Variants in NR1H2 observed in about 807,000 individuals in gnomAD.
NR1H2 encodes oxysterols receptor LXR-beta.
In NR1H2, 33 loss-of-function variants were observed where a neutral mutation model predicts 51.2. The observed-to-expected ratio is 0.64, with a 90% CI of 0.49 to 0.86. The LOEUF is 0.86. NR1H2 is among the 40% of genes least tolerant of loss of function. The probability of loss-of-function intolerance (pLI) is 0.00; values close to 1 mark genes in which losing one functional copy is unlikely to be tolerated. For synonymous variants in NR1H2, 310 were observed against 264.3 expected, an observed-to-expected ratio of 1.17 and a Z score of -1.68; for missense variants, 592 against 639.9, an observed-to-expected ratio of 0.93 and a Z score of 0.81.
intron 5 of NR1H2, 25 bp from the exon 6 acceptor site, chr19:50,378,497 T>C: frequency 6.3e-7 from 1 of 1,589,770 alleles, no homozygotes; most frequent in South Asian, 1.1e-5. Context: ...CCTGGGGTTC[T>C]GCTGAGGCCT....
At position 50,378,408 on chromosome 19, in the gene NR1H2, C is replaced by A; in HGVS notation, c.441C>A (p.Arg147=). Residue 147 remains arginine (R), a synonymous_variant, in exon 5 of 10, where the codon CGC becomes CGA. Transcript: ENST00000253727. ...GCAAGTGCCAGCAGTGCCGGCTGCG[C>A]AAGTGCAAGGAGGCAGGGATGAGGG... The part of the protein sequence containing the change: ...MRRKCQQCRL[R]KCKEAGMREQ... The A allele has an allele frequency of 6.2e-7, 1 of 1,604,740 alleles. No homozygotes were observed. Among genetic ancestry groups the A allele is most frequent in the South Asian group, 1.1e-5 (1 of 90,848 alleles).
Position 50,377,656 on chromosome 19 carries a change from ACT to A in NR1H2, c.43+13_43+14del, listed in dbSNP as rs1158162995. The A allele has an allele frequency of 1.9e-6, 3 of 1,612,310 alleles. No homozygotes were observed. Among genetic ancestry groups the A allele is most frequent in the Non-Finnish European group, 1.7e-6 (2 of 1,179,356 alleles). ...TGGATACCCCCCTGCCTGGTGAGTG[ACT>A]CTCTTCCCCACCCAGCCCTTATCAC... On this transcript the variant is annotated intron_variant, in intron 3 of 9. Coordinates refer to ENST00000253727, the MANE Select transcript of NR1H2 (RefSeq NM_007121.7).
chr19:50,381,943 A>C, intron 8 of NR1H2, 23 bp from the exon 9 acceptor site: 1 of 1,538,174 alleles, frequency 6.5e-7, no homozygotes, highest in East Asian at 2.4e-5. Flanking sequence ...TGAGGGAGTC[A>C]CGGGCTGCCT....
rs756954041 is a variant in NR1H2 at position 50,378,267 on chromosome 19, C to A, written c.300C>A (p.Asn100Lys). ...CGDKASGFHYNVLSCEGCKGF... is the reference protein window; with the variant it reads ...CGDKASGFHYKVLSCEGCKGF... ...ACAAGGCCTCCGGCTTCCACTACAACGTGCTCAGCTGCGAAGGCTGCAAGG... is the reference window on the plus strand; with the variant it reads ...ACAAGGCCTCCGGCTTCCACTACAAAGTGCTCAGCTGCGAAGGCTGCAAGG... Residue 100 changes from asparagine to lysine, a missense_variant, in exon 5 of 10, where the codon AAC becomes AAA. By Grantham distance (94) the Asn-to-Lys change is moderately conservative. Around this residue, in one of 3 missense-constraint regions of NR1H2, gnomAD observed 316 missense variants for 313.4 expected, o/e 1.01. Transcript: ENST00000253727. The A allele has an allele frequency of 1.9e-6, 3 of 1,613,578 alleles. No individual in the cohort carries two copies. The highest frequency in any genetic ancestry group is 1.7e-5 in the Admixed American group (1 of 60,032).
At chr19:50,377,674 C>T (rs1211932553) in intron 3 of NR1H2, 26 bp downstream of exon 3, 2 of 1,608,222 alleles carry the variant, frequency 1.2e-6, no homozygotes, top group East Asian at 2.2e-5. Flanking sequence ...CCCCACCCAG[C>T]CCTTATCACA....
intron 7 of NR1H2, 60 bp downstream of exon 7, chr19:50,379,241 C>T (rs753365710): frequency 6.6e-7 from 1 of 1,524,394 alleles, no homozygotes. Context: ...ATGCTGGGAG[C>T]AGAGTTAAGG....
In NR1H2 at chr19:50,382,633, C is replaced by T. The variant is rs369185145; in HGVS notation, c.*31C>T. 5.3e-4 allele frequency: 807 copies of T among 1,522,484 alleles called. 14 individuals carry two copies. In the South Asian group the frequency reaches 7.3e-3, roughly 14 times the overall value. 94.3% of individuals were successfully genotyped at this position (1,522,484 alleles called of 1,614,324 possible). A position where few individuals can be genotyped will look rare whatever the true frequency, so the allele number is the denominator to read the frequency against. ...TGGCCACCCAGCCCCACAGCCTTGCCTGACCACCCTCCAGCAGATAGACGC... is the reference window on the plus strand; with the variant it reads ...TGGCCACCCAGCCCCACAGCCTTGCTTGACCACCCTCCAGCAGATAGACGC... On this transcript the variant is annotated 3_prime_UTR_variant, in exon 10 of 10. Coordinates refer to ENST00000253727, the MANE Select transcript of NR1H2 (RefSeq NM_007121.7).
intron 7 of NR1H2, 26 bp downstream of exon 7, chr19:50,379,207 A>C: frequency 1.3e-6 from 2 of 1,595,074 alleles, no homozygotes; most frequent in Non-Finnish European, 1.7e-6. Context: ...CCCACAAGGA[A>C]CCCCAGAGAT....
At position 50,382,698 on chromosome 19, in the gene NR1H2, G is replaced by A; in HGVS notation, c.*96G>A. 2 of 1,353,826 alleles carry A rather than the reference G, an allele frequency of 1.5e-6. No homozygotes were observed. Among genetic ancestry groups the A allele is most frequent in the South Asian group, 1.4e-5 (1 of 70,988 alleles). 83.9% of individuals were successfully genotyped at this position (1,353,826 alleles called of 1,614,324 possible). On this transcript the variant is annotated 3_prime_UTR_variant, in exon 10 of 10. Coordinates refer to ENST00000253727, the MANE Select transcript of NR1H2 (RefSeq NM_007121.7). ...CTTCCTAGGGTGGAAGGGGCCCTGG[G>A]CCGAGCCTGTAGACCTATCGGCTCT...
chr19:50,378,082 T>C, intron 4 of NR1H2, 67 bp from the exon 5 acceptor site: 1 of 1,522,422 alleles, frequency 6.6e-7, no homozygotes, highest in Non-Finnish European at 8.9e-7. Flanking sequence ...GGATCTCCTG[T>C]GGGCCCATCT....
intron 5 of NR1H2, 35 bp downstream of exon 5, chr19:50,378,474 C>T (rs2037707124): frequency 6.4e-7 from 1 of 1,574,408 alleles, no homozygotes; most frequent in South Asian, 1.2e-5. Context: ...GCCGGCCTGG[C>T]CCCCCGCCTA....
At chr19:50,380,423 A>T (rs1314764111) in intron 8 of NR1H2, among the ~76,000 whole-genome samples, 2 of 147,100 alleles carry the variant, frequency 1.4e-5, no homozygotes, top group Non-Finnish European at 2.9e-5. Flanking sequence ...GGCTTCTGGA[A>T]GAAGGCCTGG....
rs764676583 is a variant in NR1H2, at chr19:50,382,475, G to T, written c.1256G>T (p.Arg419Leu). The T allele has an allele frequency of 6.2e-7, 1 of 1,606,534 alleles. No individual in the cohort carries two copies. Among genetic ancestry groups the T allele is most frequent in the African/African-American group, 1.3e-5 (1 of 74,986 alleles). ...KRPQDQLRFP[R>L]MLMKLVSLRT... ...CCTCAGGACCAGCTGCGCTTCCCGC[G>T]CATGCTCATGAAGCTGGTGAGCCTG... Residue 419 changes from arginine to leucine, a missense_variant, in exon 10 of 10, where the codon CGC (arginine) becomes CTC (leucine). Physicochemically the swap from Arg to Leu is moderately radical, Grantham distance 102. Around this residue, in one of 3 missense-constraint regions of NR1H2, gnomAD observed 174 missense variants for 174.0 expected, o/e 1.00. Coordinates refer to ENST00000253727, the MANE Select transcript of NR1H2 (RefSeq NM_007121.7).
intron 1 of NR1H2, 54 bp from the exon 2 acceptor site, chr19:50,376,665 C>T (rs1437081566): frequency 6.6e-6 from 1 of 152,402 alleles, no homozygotes; most frequent in African/African-American, 2.4e-5. Flanking sequence ...CTGCCCCCTT[C>T]TCTCCTTCCA....
In NR1H2 at chr19:50,377,642, C is replaced by T. The variant is rs1450125743; in HGVS notation, c.37C>T (p.Leu13=). ...SPTTSSLDTP[L]PGNGPPQPGA... The stretch of plus-strand genomic sequence containing the variant: ...TACCACGAGTTCCCTGGATACCCCC[C>T]TGCCTGGTGAGTGACTCTCTTCCCC... The change falls in exon 3 of 10, where the codon CTG becomes TTG. Residue 13 remains leucine (L), a synonymous_variant. Coordinates refer to ENST00000253727, the MANE Select transcript of NR1H2 (RefSeq NM_007121.7). 1 of 1,613,824 alleles carries T rather than the reference C, an allele frequency of 6.2e-7. No homozygotes were observed. The highest frequency in any genetic ancestry group is 8.5e-7 in the Non-Finnish European group (1 of 1,179,796).
Position 50,378,283 on chromosome 19 carries a change from G to A in NR1H2, c.316G>A (p.Gly106Ser). ...CCACTACAACGTGCTCAGCTGCGAA[G>A]GCTGCAAGGGCTTCTTCCGGCGCAG... ...GFHYNVLSCE[G>S]CKGFFRRSVV... Residue 106 changes from glycine (G) to serine (S), a missense_variant, in exon 5 of 10, where the codon GGC (glycine) becomes AGC (serine). Gly to Ser is a moderately conservative substitution (Grantham distance 56, BLOSUM62 0). Coordinates refer to ENST00000253727, the MANE Select transcript of NR1H2 (RefSeq NM_007121.7). 1 of 1,613,562 alleles carries A rather than the reference G, an allele frequency of 6.2e-7. No individual in the cohort carries two copies. The highest frequency in any genetic ancestry group is 1.7e-5 in the Admixed American group (1 of 60,030).
At chr19:50,376,875 A>G (rs1409571133) in intron 2 of NR1H2, 49 bp downstream of exon 2, 1 of 96,920 alleles carries the variant, frequency 1.0e-5, no homozygotes, top group Non-Finnish European at 2.2e-5. Flanking sequence ...GCATGATGGG[A>G]GGTGATGGGG....
At position 50,382,455 on chromosome 19, in the gene NR1H2, G is replaced by T; in HGVS notation, c.1237-1G>T. The T allele has an allele frequency of 6.3e-7, 1 of 1,592,778 alleles. No homozygotes were observed. The highest frequency in any genetic ancestry group is 1.3e-5 in the African/African-American group (1 of 74,784). ...CAGCGCCCACCTGCCTCCTCCCTCA[G>T]GACCAGCTGCGCTTCCCGCGCATGC... On this transcript the variant is annotated splice_acceptor_variant, in intron 9 of 9. Coordinates refer to ENST00000253727, the MANE Select transcript of NR1H2 (RefSeq NM_007121.7). LOFTEE classifies it high-confidence loss of function.
Position 50,377,650 on chromosome 19 carries a change from T to A in NR1H2, c.43+2T>A. The A allele has an allele frequency of 6.2e-7, 1 of 1,613,544 alleles. No homozygotes were observed. The highest frequency in any genetic ancestry group is 8.5e-7 in the Non-Finnish European group (1 of 1,179,688). On this transcript the variant is annotated splice_donor_variant, in intron 3 of 9. Transcript: ENST00000253727. LOFTEE classifies it high-confidence loss of function. ...GTTCCCTGGATACCCCCCTGCCTGG[T>A]GAGTGACTCTCTTCCCCACCCAGCC... is the stretch of plus-strand genomic sequence containing the variant.
Sources: allele counts gnomAD v4.1 joint callset (sites outside exome capture counted in the v4.1 genomes callset), GRCh38; gene constraint gnomAD v4.1.1; regional missense constraint gnomAD v4.1.1; transcripts MANE v1.5; gene names NCBI Gene and HGNC (gene_info 2026-07-23, HGNC 2026-07-21).